The following FBLN5 variants were observed in gnomAD, a reference collection of about 807,000 sequenced individuals.
The protein encoded by FBLN5 is fibulin-5.
Under a neutral mutation model 61.6 loss-of-function variants are expected in FBLN5, and 24 were observed. The ratio of observed to expected loss-of-function variants is 0.39; its 90% CI spans 0.28 to 0.55. FBLN5 has a LOEUF of 0.55. Among genes scored for constraint, FBLN5 ranks in the 20% least tolerant of loss-of-function variants. The pLI, the probability that FBLN5 is intolerant of heterozygous loss-of-function variation, is 0.65. For missense variants in FBLN5, 470 were observed against 594.1 expected (o/e 0.79, Z 2.17); for synonymous variants, 213 against 219.8 (o/e 0.97, Z 0.27).
At chr14:91,905,683 G>A (rs957198080) in intron 4 of FBLN5, among the ~76,000 whole-genome samples, 1 of 150,812 alleles carries the variant, frequency 6.6e-6, no homozygotes, top group African/African-American at 2.4e-5. Flanking sequence ...GGGTTCAAGC[G>A]ATTCTCCTGC....
chr14:91,928,615 T>C (rs117095517), intron 4 of FBLN5, among the ~76,000 whole-genome samples: 2,369 of 151,348 alleles, frequency 0.016, 36 homozygotes, highest in Middle Eastern at 0.055. Context: ...CTACAAAAGA[T>C]ACAAAAGTTA....
At chr14:91,910,433 A>T (rs1053900807) in intron 4 of FBLN5, among the ~76,000 whole-genome samples, 1 of 152,204 alleles carries the variant, frequency 6.6e-6, no homozygotes, top group African/African-American at 2.4e-5. Context: ...AAGATGAAAA[A>T]GTTCTGCGGC....
At chr14:91,933,180 T>C (rs2055955722) in intron 4 of FBLN5, among the ~76,000 whole-genome samples, 1 of 152,254 alleles carries the variant, frequency 6.6e-6, no homozygotes, top group African/African-American at 2.4e-5. Context: ...TCAGAGAGAT[T>C]TGAACACTAC....
intron 5 of FBLN5, among the ~76,000 whole-genome samples, chr14:91,893,200 T>C (rs1890069157): frequency 6.6e-6 from 1 of 152,248 alleles, no homozygotes; most frequent in African/African-American, 2.4e-5. Flanking sequence ...CAGTCTGCGA[T>C]GCTATAAAAG....
At chr14:91,927,340 G>C (rs1301776231) in intron 4 of FBLN5, among the ~76,000 whole-genome samples, 1 of 152,108 alleles carries the variant, frequency 6.6e-6, no homozygotes, top group Non-Finnish European at 1.5e-5. Flanking sequence ...CAGGGTTGGG[G>C]GTGTGAGCTG....
intron 4 of FBLN5, among the ~76,000 whole-genome samples, chr14:91,914,397 G>A (rs1891090470): frequency 7.1e-6 from 1 of 139,884 alleles, no homozygotes; most frequent in Non-Finnish European, 1.5e-5. Context: ...AGAATGGCAT[G>A]AACCCAGGAG....
At chr14:91,938,934 C>T (rs1401405958) in intron 3 of FBLN5, among the ~76,000 whole-genome samples, 1 of 152,214 alleles carries the variant, frequency 6.6e-6, no homozygotes, top group African/African-American at 2.4e-5. Context: ...AAGGCCACTG[C>T]TCTACTCTTG....
intron 4 of FBLN5, among the ~76,000 whole-genome samples, chr14:91,934,556 T>C (rs1403196837): frequency 6.6e-6 from 1 of 152,206 alleles, no homozygotes; most frequent in Admixed American, 6.5e-5. Flanking sequence ...CTTATTTTGA[T>C]GAAGAGGACA....
chr14:91,909,522 C>T (rs1021050450), intron 4 of FBLN5, among the ~76,000 whole-genome samples: 1 of 152,004 alleles, frequency 6.6e-6, no homozygotes, highest in Non-Finnish European at 1.5e-5. Context: ...ATTCTTAGGT[C>T]GATTACAGCT....
At chr14:91,944,469 A>C (rs180738935) in intron 1 of FBLN5, among the ~76,000 whole-genome samples, 1 of 152,238 alleles carries the variant, frequency 6.6e-6, no homozygotes, top group Admixed American at 6.5e-5. Flanking sequence ...CCCTCAAAAA[A>C]TTAAAAGCAA....
intron 7 of FBLN5, among the ~76,000 whole-genome samples, chr14:91,884,129 C>T (rs558376456): frequency 5.3e-5 from 8 of 152,330 alleles, no homozygotes; most frequent in Middle Eastern, 3.4e-3. Context: ...GCAAAAGAAG[C>T]TGCCTCTCCA....
rs1333467243 is a variant in FBLN5, at chr14:91,937,013, G to T, written c.313C>A (p.Pro105Thr). The part of the protein sequence containing the change: ...AAPPLSAPNY[P>T]TISRPLICRF... ...CATATAAGAGGCCTGGAGATCGTGGGATAGTTTGGAGCTGAGAGTGGTGGG... is the reference window on the plus strand; with the variant it reads ...CATATAAGAGGCCTGGAGATCGTGGTATAGTTTGGAGCTGAGAGTGGTGGG... Residue 105 changes from proline to threonine, a missense_variant, in exon 4 of 11, where the codon CCC becomes ACC. By Grantham distance (38) the Pro-to-Thr change is conservative. Coordinates refer to ENST00000342058, the MANE Select transcript of FBLN5 (RefSeq NM_006329.4). The T allele has an allele frequency of 6.2e-7, 1 of 1,614,080 alleles. No homozygotes were observed. The highest frequency in any genetic ancestry group is 8.5e-7 in the Non-Finnish European group (1 of 1,180,044).
At chr14:91,878,060 G>A (rs1282200764) in intron 9 of FBLN5, 3 of 413,576 alleles carry the variant, frequency 7.3e-6, no homozygotes, top group Non-Finnish European at 9.3e-6. Flanking sequence ...CAAAAAAAAA[G>A]GAAGAAAGAA....
intron 1 of FBLN5, among the ~76,000 whole-genome samples, chr14:91,945,277 G>A (rs1458026998): frequency 6.6e-6 from 1 of 151,734 alleles, no homozygotes; most frequent in East Asian, 1.9e-4. Context: ...GCGTTATCTA[G>A]TACTATTATT....
chr14:91,882,900 A>T lies in FBLN5; in HGVS notation c.862+54T>A. On this transcript the variant is annotated intron_variant, in intron 8 of 10. Transcript: ENST00000342058. This position sits in a 1 kb window ranked among gnomAD's most constrained non-coding sequence, Gnocchi z 4.9. ...GTGAGGATATCCAGATGAGCCCCTG[A>T]AGCAGCTCCACCTCACACATACACC... 1 of 1,603,378 alleles carries T rather than the reference A, an allele frequency of 6.2e-7. No individual in the cohort carries two copies. Among genetic ancestry groups the T allele is most frequent in the Non-Finnish European group, 8.5e-7 (1 of 1,172,912 alleles).
intron 9 of FBLN5, 131 bp downstream of exon 9, chr14:91,881,157 ATGAG>A: frequency 1.2e-6 from 1 of 828,774 alleles, no homozygotes; most frequent in Non-Finnish European, 2.0e-6. Context: ...ACACACACGC[ATGAG>A]CACATGACGT....
intron 4 of FBLN5, among the ~76,000 whole-genome samples, chr14:91,927,610 A>G (rs1032221173): frequency 2.2e-4 from 33 of 152,252 alleles, no homozygotes; most frequent in Non-Finnish European, 8.8e-5. Flanking sequence ...GTATCATAGC[A>G]TGCACCTCCT....
At position 91,892,888 on chromosome 14, in the gene FBLN5, C is replaced by T. The variant is rs137959350; in HGVS notation, c.503-1551G>A. Reference sequence around the variant, plus strand: ...CAGGAGTTCAGCCATAATTAGGCGACGTCTTCCTTTCAGATGTGAATATGA... The same window carrying T: ...CAGGAGTTCAGCCATAATTAGGCGATGTCTTCCTTTCAGATGTGAATATGA... On this transcript the variant is annotated intron_variant, in intron 5 of 10. Coordinates refer to ENST00000342058, the MANE Select transcript of FBLN5 (RefSeq NM_006329.4). 2.5e-4 allele frequency among the ~76,000 whole-genome samples: 38 copies of T among 152,350 alleles called. No homozygotes were observed. In the East Asian group the frequency reaches 7.1e-3, roughly 29 times the overall value.
intron 4 of FBLN5, among the ~76,000 whole-genome samples, chr14:91,910,796 C>T (rs916637680): frequency 3.3e-5 from 5 of 151,602 alleles, no homozygotes; most frequent in Admixed American, 1.3e-4. Flanking sequence ...AAAGGGATGG[C>T]GGGGAGAAAG....
Sources: gnomAD v4.1 joint callset for allele counts (sites outside exome capture counted in the v4.1 genomes callset) on GRCh38, gnomAD v4.1.1 for gene constraint, Gnocchi (gnomAD v3.1) non-coding constraint, MANE v1.5 for transcripts, NCBI Gene and HGNC (gene_info 2026-07-23, HGNC 2026-07-21) for gene names.